The following INF2 variants were observed in gnomAD, a reference collection of about 807,000 sequenced individuals.
INF2 encodes the protein inverted formin 2.
In INF2, 43 loss-of-function variants were observed where a neutral mutation model predicts 123.5. The ratio of observed to expected loss-of-function variants is 0.35; its 90% CI spans 0.27 to 0.45. The LOEUF is 0.45. Ranked by LOEUF, INF2 falls within the 20% of genes least tolerant of loss-of-function variation. INF2 has a pLI of 1.00. For synonymous variants in INF2, 851 were observed against 745.0 expected (o/e 1.14, Z -2.32); for missense variants, 1,453 against 1,682.7 (o/e 0.86, Z 2.39).
chr14:104,703,628 C>T (rs1007056881), intron 4 of INF2, among the ~76,000 whole-genome samples, 174 bp downstream of exon 4: 15 of 152,238 alleles, frequency 9.9e-5, no homozygotes, highest in African/African-American at 3.6e-4. Context: ...TGGACACAGG[C>T]CTCAGAACGC....
At position 104,699,384 on chromosome 14, in the gene INF2, G is replaced by T. The variant is rs984969746; in HGVS notation, c.-9-1973G>T. Reference sequence around the variant, plus strand: ...ACAGCCAAGGCGGGTGGGAATATATGCAGAGGCCCGGCTGCCTGGCTCTTC... The same window carrying T: ...ACAGCCAAGGCGGGTGGGAATATATTCAGAGGCCCGGCTGCCTGGCTCTTC... On this transcript the variant is annotated intron_variant, in intron 1 of 22. Transcript: ENST00000392634. This position sits in a 1 kb window ranked among gnomAD's most constrained non-coding sequence, Gnocchi z 4.7. 2.0e-6 allele frequency: 2 copies of T among 985,216 alleles called. No individual in the cohort carries two copies. Among genetic ancestry groups the T allele is most frequent in the African/African-American group, 3.5e-5 (2 of 57,220 alleles). 61.0% of individuals were successfully genotyped at this position (985,216 alleles called of 1,614,324 possible).
intron 5 of INF2, chr14:104,704,745 T>C (rs1490147483): frequency 6.6e-6 from 1 of 152,244 alleles, no homozygotes; most frequent in Non-Finnish European, 1.5e-5. Context: ...CGTTACACAG[T>C]GTACCATGTG....
intron 1 of INF2, among the ~76,000 whole-genome samples, chr14:104,697,344 T>A (rs1889238380): frequency 6.6e-6 from 1 of 152,202 alleles, no homozygotes; most frequent in African/African-American, 2.4e-5. Context: ...CAAGTCTGGG[T>A]ACCCTAACCC....
chr14:104,686,985 TG>T (rs1432156208), upstream of INF2, among the ~76,000 whole-genome samples: 1 of 152,208 alleles, frequency 6.6e-6, no homozygotes, highest in African/African-American at 2.4e-5. Context: ...CAGGAACATG[TG>T]GCTCCGCCTG....
Position 104,699,697 on chromosome 14 carries a change from C to A in INF2, c.-9-1660C>A. On this transcript the variant is annotated intron_variant, in intron 1 of 22. Transcript: ENST00000392634. The surrounding 1 kb of genome is among the most constrained non-coding windows in gnomAD (Gnocchi z 4.7). ...GCTCCGGGCTCTCCGTTCTACAGTGCCCAGACCAGGACCCCCTGCAGGGAG... is the reference window on the plus strand; with the variant it reads ...GCTCCGGGCTCTCCGTTCTACAGTGACCAGACCAGGACCCCCTGCAGGGAG... 4.8e-6 allele frequency: 3 copies of A among 618,710 alleles called. No individual in the cohort carries two copies. The highest frequency in any genetic ancestry group is 6.1e-6 in the Non-Finnish European group (3 of 495,134). 38.3% of individuals were successfully genotyped at this position (618,710 alleles called of 1,614,324 possible). A position where few individuals can be genotyped will look rare whatever the true frequency, so the allele number is the denominator to read the frequency against.
chr14:104,694,001 CTGAGAACGG>C (rs1372946045), intron 1 of INF2, among the ~76,000 whole-genome samples: 2 of 152,220 alleles, frequency 1.3e-5, no homozygotes, highest in Non-Finnish European at 2.9e-5. Context: ...CATGAGTGGC[CTGAGAACGG>C]GAGCCCCTTG....
intron 1 of INF2, among the ~76,000 whole-genome samples, chr14:104,695,580 A>ACACCC (rs539837179): frequency 0.12 from 16,684 of 136,156 alleles, 1,246 homozygotes; most frequent in Admixed American, 0.16. Context: ...GCGCTTGCCG[A>ACACCC]CTCTCCTCCC....
intron 16 of INF2, 103 bp from the exon 17 acceptor site, chr14:104,712,330 G>A: frequency 6.8e-7 from 1 of 1,477,732 alleles, no homozygotes; most frequent in South Asian, 1.2e-5. Context: ...CAGCCTGCAG[G>A]GTGCACAGTG....
At chr14:104,696,442 C>T (rs1232888575) in intron 1 of INF2, among the ~76,000 whole-genome samples, 1 of 152,252 alleles carries the variant, frequency 6.6e-6, no homozygotes, top group Non-Finnish European at 1.5e-5. Context: ...TTGAGGCCCC[C>T]TGTGCACAGA....
Position 104,707,058 on chromosome 14 carries a change from G to T in INF2, c.985+7G>T. 1 of 1,572,872 alleles carries T rather than the reference G, an allele frequency of 6.4e-7. No individual in the cohort carries two copies. The highest frequency in any genetic ancestry group is 8.6e-7 in the Non-Finnish European group (1 of 1,167,640). ...GTGCTCCTGGCCAGCGATGGTGAGG[G>T]GGCGGGGCAGGGGCGTAGGCACAGC... On this transcript the variant is annotated splice_region_variant and intron_variant, in intron 7 of 22. Coordinates refer to ENST00000392634, the MANE Select transcript of INF2 (RefSeq NM_022489.4).
chr14:104,694,659 C>T (rs781313830), intron 1 of INF2, among the ~76,000 whole-genome samples: 5 of 152,206 alleles, frequency 3.3e-5, no homozygotes, highest in Non-Finnish European at 7.3e-5. Context: ...CCCAGTCTCA[C>T]CCTGAATCAG....
chr14:104,707,486 A>G lies in INF2; in HGVS notation c.1219A>G (p.Lys407Glu). ...VDHAQSESILKVSQPRALEQQ... is the reference protein window; with the variant it reads ...VDHAQSESILEVSQPRALEQQ... The stretch of plus-strand genomic sequence containing the variant: ...CCACGCCCAGAGTGAGAGCATCCTG[A>G]AAGTTTCGCAGCCCAGAGCCCTGGA... Residue 407 changes from lysine (K) to glutamate (E), a missense_variant, in exon 8 of 23, where the codon AAA becomes GAA. This residue lies in a region of INF2 where 374 missense variants were observed against 303.7 expected (regional missense o/e 1.23). Coordinates refer to ENST00000392634, the MANE Select transcript of INF2 (RefSeq NM_022489.4). 2 of 1,549,632 alleles carry G rather than the reference A, an allele frequency of 1.3e-6. No homozygotes were observed. The highest frequency in any genetic ancestry group is 1.7e-6 in the Non-Finnish European group (2 of 1,147,154).
In INF2 at chr14:104,707,615, G is replaced by A. The variant is rs572969666; in HGVS notation, c.1348G>A (p.Gly450Arg). The change falls in exon 8 of 23, where the codon GGG (glycine) becomes AGG (arginine). Residue 450 changes from glycine (G) to arginine (R), a missense_variant. By Grantham distance (125) the Gly-to-Arg change is moderately radical. This residue lies in a region of INF2 where 374 missense variants were observed against 303.7 expected (regional missense o/e 1.23). Transcript: ENST00000392634. ...PPPPPPLPSVGAKALPTAPPP... is the reference protein window; with the variant it reads ...PPPPPPLPSVRAKALPTAPPP... ...CCCACCACCCCCCCTGCCCAGTGTG[G>A]GGGCTAAGGCCCTCCCAACAGCACC... 67 of 1,119,144 alleles carry A rather than the reference G, an allele frequency of 6.0e-5. No individual in the cohort carries two copies. The South Asian group carries it at 8.8e-4, about 15-fold the overall frequency. 69.3% of individuals were successfully genotyped at this position (1,119,144 alleles called of 1,614,324 possible).
chr14:104,710,815 G>C (rs1890015375), intron 13 of INF2, 122 bp from the exon 14 acceptor site: 1 of 816,856 alleles, frequency 1.2e-6, no homozygotes, highest in Non-Finnish European at 2.0e-6. Context: ...TCCGGTGCTG[G>C]GCTGAGCCTG....
intron 22 of INF2, among the ~76,000 whole-genome samples, chr14:104,718,587 T>C (rs1890427584): frequency 6.6e-6 from 1 of 152,108 alleles, no homozygotes; most frequent in Non-Finnish European, 1.5e-5. Context: ...AAACCCAGCC[T>C]GGCCAGGCCA....
chr14:104,691,049 G>A (rs1888923080), intron 1 of INF2, among the ~76,000 whole-genome samples: 1 of 152,248 alleles, frequency 6.6e-6, no homozygotes, highest in South Asian at 2.1e-4. Context: ...CTGCAGCCCG[G>A]CAAAGGGGAT....
At chr14:104,706,773 C>A (rs1036021315) in intron 6 of INF2, 137 bp from the exon 7 acceptor site, 1 of 936,774 alleles carries the variant, frequency 1.1e-6, no homozygotes, top group Non-Finnish European at 1.6e-6. Context: ...GTACCACAGT[C>A]GCTGAAACTC....
In INF2 at chr14:104,701,749, C is replaced by A. The variant is rs536296013; in HGVS notation, c.384C>A (p.Leu128=). The A allele has an allele frequency of 2.0e-6, 3 of 1,509,356 alleles. No individual in the cohort carries two copies. Among genetic ancestry groups the A allele is most frequent in the Non-Finnish European group, 2.7e-6 (3 of 1,127,932 alleles). 93.5% of individuals were successfully genotyped at this position (1,509,356 alleles called of 1,614,324 possible). ...ILSNQGYVRQ[L]SQALDTSNVM... The stretch of plus-strand genomic sequence containing the variant: ...GCAACCAGGGCTACGTGCGCCAGCT[C>A]TCCCAGGGTGAGCCGCAGTGTGGGA... Residue 128 remains leucine, a synonymous_variant, in exon 2 of 23, where the codon CTC becomes CTA. Coordinates refer to ENST00000392634, the MANE Select transcript of INF2 (RefSeq NM_022489.4).
At chr14:104,715,717 C>CTGG (rs1007828981) in intron 22 of INF2, 4 of 522,220 alleles carry the variant, frequency 7.7e-6, no homozygotes, top group African/African-American at 7.5e-5. Flanking sequence ...GTCTGGTGTC[C>CTGG]TGGCGCTAAC....
Sources: gnomAD v4.1 joint callset for allele counts (sites outside exome capture counted in the v4.1 genomes callset) on GRCh38, gnomAD v4.1.1 for gene constraint, gnomAD v4.1.1 regional missense constraint, Gnocchi (gnomAD v3.1) non-coding constraint, MANE v1.5 for transcripts, NCBI Gene and HGNC (gene_info 2026-07-23, HGNC 2026-07-21) for gene names.